GCNT4: variants seen among roughly 807,000 people sequenced by gnomAD.
The protein encoded by GCNT4 is beta-1,3-galactosyl-O-glycosyl-glycoprotein beta-1,6-N-acetylglucosaminyltransferase 4.
GCNT4 carries 17 observed loss-of-function variants against 31.3 expected under a neutral mutation model. The observed-to-expected ratio is 0.54, with a 90% CI of 0.37 to 0.81. The LOEUF is 0.81. Among genes scored for constraint, GCNT4 ranks in the 40% least tolerant of loss-of-function variants. GCNT4 has a pLI of 0.00. For synonymous variants in GCNT4, 158 were observed against 190.6 expected (o/e 0.83, Z 1.41); for missense variants, 503 against 525.5 (o/e 0.96, Z 0.42).
rs183407506 is a variant in GCNT4 at position 75,043,317 on chromosome 5, T to C, written c.-2+4580A>G. Among the ~76,000 whole-genome samples, 18 of 152,288 alleles carry C rather than the reference T, an allele frequency of 1.2e-4. No homozygotes were observed. The East Asian group carries it at 3.1e-3, about 26-fold the overall frequency. Reference sequence around the variant, plus strand: ...GGGATAAAATCCAGAAACAGATCCATAGGTAAGGGTTTTACATATGGCTCT... The same window carrying C: ...GGGATAAAATCCAGAAACAGATCCACAGGTAAGGGTTTTACATATGGCTCT... On this transcript the variant is annotated intron_variant, in intron 3 of 3. Transcript: ENST00000652361.
chr5:75,052,966 G>C (rs1163738353), upstream of GCNT4: 1 of 152,108 alleles, frequency 6.6e-6, no homozygotes, highest in Non-Finnish European at 1.5e-5. Context: ...CCCACGAGCC[G>C]CTTCTTGGCA....
intron 3 of GCNT4, among the ~76,000 whole-genome samples, chr5:75,037,307 C>A (rs1488681108): frequency 6.6e-6 from 1 of 152,112 alleles, no homozygotes; most frequent in Non-Finnish European, 1.5e-5. Context: ...CCTCCACACT[C>A]CCACAGCACT....
At chr5:75,052,851 C>T (rs1444141890), upstream of GCNT4, 2 of 152,726 alleles carry the variant, frequency 1.3e-5, no homozygotes, top group Admixed American at 6.5e-5. Context: ...GGCTCAGTAG[C>T]TCCCCCGGGC....
intron 2 of GCNT4, among the ~76,000 whole-genome samples, chr5:75,051,605 G>C (rs933309841): frequency 6.6e-6 from 1 of 152,068 alleles, no homozygotes; most frequent in African/African-American, 2.4e-5. Context: ...TCCCTTCCTA[G>C]AAAACAACCA....
Position 75,029,685 on chromosome 5 carries a change from C to A in GCNT4, c.353G>T (p.Gly118Val), listed in dbSNP as rs770421678. ...CTTTGAGACAAGCTTTTGAGCATAA[C>A]CTCTTAGAGTCTGATAAATGTCACA... ...SDCDIYQTLRGYAQKLVSKEE... is the reference protein window; with the variant it reads ...SDCDIYQTLRVYAQKLVSKEE... Residue 118 changes from glycine (G) to valine (V), a missense_variant, in exon 4 of 4, where the codon GGT (glycine) becomes GTT (valine). By Grantham distance (109) the Gly-to-Val change is moderately radical. Coordinates refer to ENST00000652361, the MANE Select transcript of GCNT4 (RefSeq NM_001366737.1). 5 of 1,614,002 alleles carry A rather than the reference C, an allele frequency of 3.1e-6. No individual in the cohort carries two copies. Among genetic ancestry groups the A allele is most frequent in the South Asian group, 2.2e-5 (2 of 91,084 alleles).
chr5:75,043,756 G>T (rs770316072), intron 3 of GCNT4, among the ~76,000 whole-genome samples: 1 of 152,180 alleles, frequency 6.6e-6, no homozygotes, highest in Non-Finnish European at 1.5e-5. Flanking sequence ...CGTGCACTTT[G>T]AAAGATGACC....
chr5:75,024,384 C>T (rs1055150892), downstream of GCNT4, among the ~76,000 whole-genome samples: 2 of 152,096 alleles, frequency 1.3e-5, no homozygotes, highest in African/African-American at 4.8e-5. Flanking sequence ...GAAGATTCCC[C>T]AAATGCCCCA....
At chr5:75,053,415 G>A (rs1390339520), upstream of GCNT4, among the ~76,000 whole-genome samples, 1 of 152,104 alleles carries the variant, frequency 6.6e-6, no homozygotes, top group African/African-American at 2.4e-5. Flanking sequence ...GTCGTGAGGA[G>A]CAGAGGGTCG....
intron 3 of GCNT4, among the ~76,000 whole-genome samples, chr5:75,031,893 G>A (rs1418834605): frequency 1.3e-5 from 2 of 152,018 alleles, no homozygotes; most frequent in South Asian, 4.1e-4. Context: ...GACCTGGTGG[G>A]GTCTGAGCAC....
In GCNT4 at chr5:75,029,931, C is replaced by T. The variant is rs1373999344; in HGVS notation, c.107G>A (p.Arg36Gln). 1.2e-6 allele frequency: 2 copies of T among 1,614,068 alleles called. No individual in the cohort carries two copies. Among genetic ancestry groups the T allele is most frequent in the Admixed American group, 1.7e-5 (1 of 60,008 alleles). Residue 36 changes from arginine to glutamine, a missense_variant, in exon 4 of 4, where the codon CGA (arginine) becomes CAA (glutamine). Coordinates refer to ENST00000652361, the MANE Select transcript of GCNT4 (RefSeq NM_001366737.1). ...LSLLKLLNVR[R>Q]LFPQKDIYLV... is the part of the protein sequence containing the mutation. Reference sequence around the variant, plus strand: ...GTAAATGTCTTTTTGCGGAAAGAGTCGTCTCACATTTAGAAGCTTTAACAA... The same window carrying T: ...GTAAATGTCTTTTTGCGGAAAGAGTTGTCTCACATTTAGAAGCTTTAACAA...
the GCNT4 span, among the ~76,000 whole-genome samples, chr5:75,018,344 T>C: frequency 2.6e-5 from 4 of 152,300 alleles, no homozygotes; most frequent in East Asian, 3.9e-4. Flanking sequence ...TGCAGTGGCA[T>C]GATCTCGGCT....
chr5:75,028,709 TAA>T lies in GCNT4; in HGVS notation c.1327_1328del (p.Leu443IlefsTer4). 1 of 1,613,220 alleles carries T rather than the reference TAA, an allele frequency of 6.2e-7. No individual in the cohort carries two copies. On this transcript the variant is annotated frameshift_variant, in exon 4 of 4. Transcript: ENST00000652361. LOFTEE classifies it low-confidence loss of function (END_TRUNC). The stretch of plus-strand genomic sequence containing the variant: ...TGGTAGTGAGATTTCTATCCATAAA[TAA>T]CTTTTCTGAGGGCAAAGTGATCCAG... ...RDWITLPSEK[L>X]FMDRNLTTTS
downstream of GCNT4, among the ~76,000 whole-genome samples, chr5:75,023,138 C>T (rs1165033928): frequency 6.6e-6 from 1 of 152,170 alleles, no homozygotes; most frequent in Non-Finnish European, 1.5e-5. Flanking sequence ...TGGAGTCAGT[C>T]ATCAAAGTTA....
chr5:75,053,422 G>A (rs1166132814), upstream of GCNT4, among the ~76,000 whole-genome samples: 3 of 152,072 alleles, frequency 2.0e-5, no homozygotes, highest in East Asian at 1.9e-4. Flanking sequence ...GGAGCAGAGG[G>A]TCGGGGCGTC....
At chr5:75,044,953 A>G (rs1423550681) in intron 3 of GCNT4, among the ~76,000 whole-genome samples, 1 of 152,208 alleles carries the variant, frequency 6.6e-6, no homozygotes, top group Non-Finnish European at 1.5e-5. Context: ...TTCAGGCAAC[A>G]CAGTTTTAGT....
upstream of GCNT4, chr5:75,052,947 A>G (rs1285480965): frequency 6.6e-6 from 1 of 152,100 alleles, no homozygotes. Flanking sequence ...TGCTCCCGGC[A>G]AGGGCGCGCC....
upstream of GCNT4, among the ~76,000 whole-genome samples, chr5:75,053,350 C>G (rs1743632269): frequency 6.6e-6 from 1 of 152,096 alleles, no homozygotes; most frequent in African/African-American, 2.4e-5. Context: ...GGCGCCCCCG[C>G]CTGCCGCCTG....
At chr5:75,039,951 A>G (rs1344495522) in intron 3 of GCNT4, among the ~76,000 whole-genome samples, 1 of 152,206 alleles carries the variant, frequency 6.6e-6, no homozygotes, top group Non-Finnish European at 1.5e-5. Flanking sequence ...ATAAAGGCCC[A>G]GGCAGTTCCC....
chr5:75,035,146 C>G (rs1007988858), intron 3 of GCNT4, among the ~76,000 whole-genome samples: 1 of 152,080 alleles, frequency 6.6e-6, no homozygotes, highest in Non-Finnish European at 1.5e-5. Context: ...TTCAGGGACA[C>G]CTCAGCTAAG....
Sources: allele counts gnomAD v4.1 joint callset (sites outside exome capture counted in the v4.1 genomes callset), GRCh38; gene constraint gnomAD v4.1.1; transcripts MANE v1.5; gene names NCBI Gene and HGNC (gene_info 2026-07-23, HGNC 2026-07-21).